Variants in HMMR observed in about 807,000 individuals in gnomAD.
HMMR encodes the protein intracellular hyaluronic acid-binding protein.
HMMR carries 108 observed loss-of-function variants against 101.0 expected under a neutral mutation model. The observed-to-expected ratio is 1.07, with a 90% confidence interval of 0.92 to 1.25. The LOEUF (loss-of-function observed/expected upper bound fraction) is 1.25, where lower values mean the gene tolerates loss of function less well. HMMR is among the 50% of genes most tolerant of loss of function. The probability of loss-of-function intolerance (pLI) is 0.00; values close to 1 mark genes in which losing one functional copy is unlikely to be tolerated. For synonymous variants in HMMR, 296 were observed against 276.4 expected, an observed-to-expected ratio of 1.07 and a Z score of -0.70; for missense variants, 813 against 788.7, an observed-to-expected ratio of 1.03 and a Z score of -0.37.
Position 163,483,264 on chromosome 5 carries a change from G to T in HMMR, c.1686-4G>T. The T allele has an allele frequency of 6.2e-7, 1 of 1,604,284 alleles. No homozygotes were observed. Among genetic ancestry groups the T allele is most frequent in the South Asian group, 1.1e-5 (1 of 90,096 alleles). The stretch of plus-strand genomic sequence containing the variant: ...GTTTTTCTCAATTTAATTCTTCCAT[G>T]CAGAAAAGCTGAAAAAGAAAATACA... On this transcript the variant is annotated splice_polypyrimidine_tract_variant and splice_region_variant and intron_variant, in intron 14 of 17. Coordinates refer to ENST00000393915, the MANE Select transcript of HMMR (RefSeq NM_001142556.2).
intron 4 of HMMR, 64 bp downstream of exon 4, chr5:163,467,812 G>A: frequency 1.9e-6 from 2 of 1,040,368 alleles, no homozygotes; most frequent in Non-Finnish European, 3.0e-6. Flanking sequence ...ACAGATTTAA[G>A]AGATAAGGAT....
At chr5:163,469,417 A>G (rs1487033115) in intron 4 of HMMR, among the ~76,000 whole-genome samples, 1 of 152,028 alleles carries the variant, frequency 6.6e-6, no homozygotes. Flanking sequence ...TGTACTTGGA[A>G]CTTATGGCAA....
rs776838634 is a variant in HMMR, at chr5:163,491,109, T to C, written c.2126-3T>C. On this transcript the variant is annotated splice_polypyrimidine_tract_variant and splice_region_variant and intron_variant, in intron 17 of 17. Coordinates refer to ENST00000393915, the MANE Select transcript of HMMR (RefSeq NM_001142556.2). Reference sequence around the variant, plus strand: ...TAATCCTTCTTTTCAATAATTCTTCTAGGCAATACAAACTGTTACCGAGCT... The same window carrying C: ...TAATCCTTCTTTTCAATAATTCTTCCAGGCAATACAAACTGTTACCGAGCT... The C allele has an allele frequency of 5.2e-6, 8 of 1,535,742 alleles. No homozygotes were observed. The highest frequency in any genetic ancestry group is 7.1e-6 in the Non-Finnish European group (8 of 1,130,888).
intron 16 of HMMR, among the ~76,000 whole-genome samples, chr5:163,488,643 A>T (rs1454109021): frequency 6.6e-6 from 1 of 152,152 alleles, no homozygotes; most frequent in Non-Finnish European, 1.5e-5. Flanking sequence ...CCCTGGGATG[A>T]CACTTGCTTT....
At chr5:163,465,613 G>A (rs1184286140) in intron 3 of HMMR, among the ~76,000 whole-genome samples, 1 of 152,152 alleles carries the variant, frequency 6.6e-6, no homozygotes, top group Non-Finnish European at 1.5e-5. Flanking sequence ...CTCCCAAAGT[G>A]CTGGGATTAC....
At chr5:163,465,081 G>T in intron 3 of HMMR, 1 of 319,070 alleles carries the variant, frequency 3.1e-6, no homozygotes, top group Non-Finnish European at 5.7e-6. Context: ...TCAAAATTAT[G>T]TGATGCTTTG....
chr5:163,476,642 C>T (rs1759077804), intron 11 of HMMR, among the ~76,000 whole-genome samples: 1 of 151,844 alleles, frequency 6.6e-6, no homozygotes, highest in Admixed American at 6.6e-5. Context: ...CACAAGATGC[C>T]ACCTCAATCA....
chr5:163,469,811 T>G lies in HMMR; in HGVS notation c.444T>G (p.Asn148Lys). The change falls in exon 5 of 18, where the codon AAT (asparagine) becomes AAG (lysine). Residue 148 changes from asparagine to lysine, a missense_variant. Transcript: ENST00000393915. ...AACTTATTGAATTGACCAGGACTAA[T>G]GAACTACTAAAATCTAAGGTATCTG... The part of the protein sequence containing the change: ...EKQLIELTRT[N>K]ELLKSKFSEN... The G allele has an allele frequency of 6.3e-7, 1 of 1,597,380 alleles. No homozygotes were observed. Among genetic ancestry groups the G allele is most frequent in the African/African-American group, 1.3e-5 (1 of 74,254 alleles).
At position 163,482,642 on chromosome 5, in the gene HMMR, C is replaced by G; in HGVS notation, c.1386C>G (p.Ser462Arg). Reference protein sequence around the residue: ...SLEDVTAQFESYKALTASEIE... With the variant: ...SLEDVTAQFERYKALTASEIE... ...TTGACTTTTTTTTCTTTTTAATAAGCTATAAAGCGTTAACAGCCAGTGAGA... is the reference window on the plus strand; with the variant it reads ...TTGACTTTTTTTTCTTTTTAATAAGGTATAAAGCGTTAACAGCCAGTGAGA... Residue 462 changes from serine (S) to arginine (R), a missense_variant and splice_region_variant, in exon 13 of 18, where the codon AGC becomes AGG. Physicochemically the swap from Ser to Arg is moderately radical, Grantham distance 110. Transcript: ENST00000393915. 6.2e-7 allele frequency: 1 copy of G among 1,604,888 alleles called. No individual in the cohort carries two copies. The highest frequency in any genetic ancestry group is 1.3e-5 in the African/African-American group (1 of 74,608).
At position 163,469,668 on chromosome 5, in the gene HMMR, GC is replaced by G. The variant is rs1758812592; in HGVS notation, c.304del (p.Gln102ArgfsTer19). The G allele has an allele frequency of 6.2e-7, 1 of 1,613,830 alleles. No individual in the cohort carries two copies. Among genetic ancestry groups the G allele is most frequent in the Admixed American group, 1.7e-5 (1 of 59,920 alleles). ...TCGTGTTCTTCTACAGGAACGTGGTGCCCAGGACAGGCGGATCCAGGATCTG... is the reference window on the plus strand; with the variant it reads ...TCGTGTTCTTCTACAGGAACGTGGTGCCAGGACAGGCGGATCCAGGATCTG... ...EIRVLLQERGAQDRRIQDLET... is the reference protein window; with the variant it reads ...EIRVLLQERGXQDRRIQDLET... On this transcript the variant is annotated frameshift_variant, in exon 5 of 18. Transcript: ENST00000393915. LOFTEE classifies it high-confidence loss of function.
At chr5:163,464,694 C>G in intron 2 of HMMR, 29 bp from the exon 3 acceptor site, 2 of 1,431,074 alleles carry the variant, frequency 1.4e-6, no homozygotes, top group Non-Finnish European at 2.0e-6. Context: ...TGACATCAAC[C>G]ATGATCTGTA....
At chr5:163,483,928 A>C (rs1759373027) in intron 15 of HMMR, 141 bp from the exon 16 acceptor site, 1 of 527,456 alleles carries the variant, frequency 1.9e-6, no homozygotes, top group Non-Finnish European at 3.4e-6. Context: ...CTCATAGAGA[A>C]TCTATGGAGA....
Position 163,484,568 on chromosome 5 carries a change from A to T in HMMR, c.1962+323A>T, listed in dbSNP as rs1034535538. ...ATAAAGAGAAGCAGTGTTCAAAAAT[A>T]TTTGGGCATTTAAATTTTTTAACAT... On this transcript the variant is annotated intron_variant, in intron 16 of 17. Transcript: ENST00000393915. 3.6e-4 allele frequency among the ~76,000 whole-genome samples: 55 copies of T among 152,208 alleles called. 1 individual carries two copies. The highest frequency in any genetic ancestry group is 1.3e-3 in the African/African-American group (53 of 41,456).
In HMMR at chr5:163,469,693, T is replaced by C. The variant is rs1758813858; in HGVS notation, c.326T>C (p.Leu109Pro). 1.2e-6 allele frequency: 2 copies of C among 1,613,898 alleles called. No homozygotes were observed. Among genetic ancestry groups the C allele is most frequent in the African/African-American group, 2.7e-5 (2 of 74,900 alleles). Reference protein sequence around the residue: ...RGAQDRRIQDLETELEKMEAR... With the variant: ...RGAQDRRIQDPETELEKMEAR... ...GCCCAGGACAGGCGGATCCAGGATC[T>C]GGAAACTGAGTTGGAAAAGATGGAA... The change falls in exon 5 of 18, where the codon CTG becomes CCG. Residue 109 changes from leucine to proline, a missense_variant. By Grantham distance (98) the Leu-to-Pro change is moderately conservative (BLOSUM62 -3). Transcript: ENST00000393915.
intron 7 of HMMR, among the ~76,000 whole-genome samples, chr5:163,472,005 A>G (rs966061006): frequency 6.6e-6 from 1 of 151,566 alleles, no homozygotes; most frequent in African/African-American, 2.4e-5. Context: ...TCTCACTTAC[A>G]TCATCATAAA....
chr5:163,461,745 T>C (rs1252315341), intron 1 of HMMR, among the ~76,000 whole-genome samples: 1 of 151,712 alleles, frequency 6.6e-6, no homozygotes, highest in Non-Finnish European at 1.5e-5. Flanking sequence ...ATCGCGCCAC[T>C]GCACTCCAGC....
chr5:163,485,224 C>T (rs1181310357), intron 16 of HMMR, among the ~76,000 whole-genome samples: 1 of 152,040 alleles, frequency 6.6e-6, no homozygotes, highest in Non-Finnish European at 1.5e-5. Context: ...AGATCGGGTG[C>T]GTTCAGGGTG....
rs779328066 is a variant in HMMR at position 163,484,262 on chromosome 5, T to C, written c.1962+17T>C. On this transcript the variant is annotated intron_variant, in intron 16 of 17. Coordinates refer to ENST00000393915, the MANE Select transcript of HMMR (RefSeq NM_001142556.2). ...CTCAAATCGGTTTGTAAAATGACTT[T>C]TCATTTTATTAAAGATATTGGAGTG... 7.0e-7 allele frequency: 1 copy of C among 1,424,088 alleles called. No individual in the cohort carries two copies. Among genetic ancestry groups the C allele is most frequent in the South Asian group, 1.2e-5 (1 of 81,510 alleles). The allele number at this position is 1,424,088 out of a possible 1,614,324, so 88.2% of individuals were successfully genotyped here.
At chr5:163,475,352 G>A (rs747367459) in intron 10 of HMMR, 106 bp from the exon 11 acceptor site, 2 of 579,002 alleles carry the variant, frequency 3.5e-6, no homozygotes, top group Non-Finnish European at 6.1e-6. Context: ...CCTTGAATCT[G>A]TTGAATTTAG....
Sources: allele counts gnomAD v4.1 joint callset (sites outside exome capture counted in the v4.1 genomes callset), GRCh38; gene constraint gnomAD v4.1.1; transcripts MANE v1.5; gene names NCBI Gene and HGNC (gene_info 2026-07-23, HGNC 2026-07-21).